MCM5: variants seen among roughly 807,000 people sequenced by gnomAD.
MCM5 encodes DNA replication licensing factor MCM5.
In MCM5, 46 loss-of-function variants were observed where a neutral mutation model predicts 79.9. The observed-to-expected ratio is 0.58, with a 90% CI of 0.45 to 0.74. The LOEUF is 0.74. MCM5 is among the 30% of genes least tolerant of loss of function. The probability of loss-of-function intolerance (pLI) is 0.00; values close to 1 mark genes in which losing one functional copy is unlikely to be tolerated. For missense variants in MCM5, 883 were observed against 1,017.0 expected, an observed-to-expected ratio of 0.87 and a Z score of 1.79; for synonymous variants, 404 against 390.5, an observed-to-expected ratio of 1.03 and a Z score of -0.41.
intron 5 of MCM5, among the ~76,000 whole-genome samples, chr22:35,407,904 T>C (rs527470765): frequency 6.6e-6 from 1 of 152,346 alleles, no homozygotes; most frequent in Admixed American, 6.5e-5. Context: ...CCTGGAATAG[T>C]GTCAGACACA....
chr22:35,432,445 CG>C, the MCM5 span, among the ~76,000 whole-genome samples: 2 of 152,132 alleles, frequency 1.3e-5, no homozygotes, highest in Non-Finnish European at 2.9e-5. Flanking sequence ...TACTGTGTGA[CG>C]GTTCTGTTCA....
chr22:35,416,014 A>G (rs766513038), intron 10 of MCM5, 42 bp downstream of exon 10: 1 of 1,597,830 alleles, frequency 6.3e-7, no homozygotes, highest in African/African-American at 1.3e-5. Flanking sequence ...GGTGGGTGGC[A>G]CCAGGGTATG....
intron 5 of MCM5, among the ~76,000 whole-genome samples, chr22:35,407,327 T>G (rs908278651): frequency 6.6e-6 from 1 of 152,152 alleles, no homozygotes; most frequent in Admixed American, 6.5e-5. Flanking sequence ...TGTTGACATC[T>G]CTCACTTGGA....
At chr22:35,428,021 CT>C (rs133437), downstream of MCM5, among the ~76,000 whole-genome samples, 33,648 of 132,090 alleles carry the variant, frequency 0.25, 6,423 homozygotes, top group African/African-American at 0.59. Context: ...CTCTCTCTCT[CT>C]TTTTTTTTTT....
At chr22:35,454,084 C>T in the MCM5 span, among the ~76,000 whole-genome samples, 5,410 of 152,060 alleles carry the variant, frequency 0.036, 112 homozygotes, top group Non-Finnish European at 0.047. Flanking sequence ...TTGGAGACGG[C>T]GATAGAGTGA....
At chr22:35,436,794 A>G in the MCM5 span, among the ~76,000 whole-genome samples, 3 of 150,850 alleles carry the variant, frequency 2.0e-5, no homozygotes, top group African/African-American at 7.3e-5. Flanking sequence ...CCCGACCTTC[A>G]CAAACAAATG....
At chr22:35,454,125 C>A in the MCM5 span, among the ~76,000 whole-genome samples, 2 of 151,762 alleles carry the variant, frequency 1.3e-5, no homozygotes. Flanking sequence ...TGTGTGAGGT[C>A]GGTGCTGGGA....
the MCM5 span, among the ~76,000 whole-genome samples, chr22:35,450,789 A>G: frequency 6.6e-6 from 1 of 150,616 alleles, no homozygotes; most frequent in African/African-American, 2.5e-5. Flanking sequence ...CAATGAGGAA[A>G]GAGTTGGGAA....
downstream of MCM5, among the ~76,000 whole-genome samples, chr22:35,428,563 GT>G: frequency 6.6e-6 from 1 of 152,098 alleles, no homozygotes; most frequent in East Asian, 1.9e-4. Context: ...TATGTAGATA[GT>G]TTTTTACATA....
rs35626347 is a variant in MCM5, at chr22:35,405,020, ATT to A, written c.423+1498_423+1499del. 9.7e-3 allele frequency among the ~76,000 whole-genome samples: 1,106 copies of A among 114,288 alleles called. 4 individuals are homozygous for A. The highest frequency in any genetic ancestry group is 0.015 in the Non-Finnish European group (813 of 55,758). 75.0% of individuals were successfully genotyped at this position (114,288 alleles called of 152,430 possible). ...CTTAATAATTAGCAACTAGAGGCCA[ATT>A]TTTTTTTTTTTTTTTTTTTGAGATG... is the stretch of plus-strand genomic sequence containing the variant. On this transcript the variant is annotated intron_variant, in intron 4 of 16. Transcript: ENST00000216122.
Position 35,416,685 on chromosome 22 carries a change from T to A in MCM5, c.1461T>A (p.Ala487=), listed in dbSNP as rs764206596. Residue 487 remains alanine, a synonymous_variant, in exon 12 of 17, where the codon GCT becomes GCA. Transcript: ENST00000216122. The part of the protein sequence containing the change: ...TLNSRCSVLA[A]ANSVFGRWDE... ...ACTCCCGCTGCTCCGTCCTGGCTGC[T>A]GCCAACTCAGTGTTCGGCCGCTGGG... The A allele has an allele frequency of 1.2e-6, 2 of 1,614,122 alleles. No homozygotes were observed. Among genetic ancestry groups the A allele is most frequent in the Non-Finnish European group, 1.7e-6 (2 of 1,180,026 alleles).
In MCM5 at chr22:35,424,297, G is replaced by A. The variant is rs1442452362; in HGVS notation, c.*42G>A. On this transcript the variant is annotated 3_prime_UTR_variant, in exon 17 of 17. Coordinates refer to ENST00000216122, the MANE Select transcript of MCM5 (RefSeq NM_006739.4). Reference sequence around the variant, plus strand: ...GGACTCATGGACTCGCCCACGCCTCGCCCCTCCTGCCGCTGCCTGCCATTG... The same window carrying A: ...GGACTCATGGACTCGCCCACGCCTCACCCCTCCTGCCGCTGCCTGCCATTG... 1 of 1,376,388 alleles carries A rather than the reference G, an allele frequency of 7.3e-7. No individual in the cohort carries two copies. The highest frequency in any genetic ancestry group is 9.9e-7 in the Non-Finnish European group (1 of 1,005,980). The allele number at this position is 1,376,388 out of a possible 1,614,324, so 85.3% of individuals were successfully genotyped here.
chr22:35,415,692 T>C, intron 9 of MCM5, 137 bp from the exon 10 acceptor site: 1 of 941,740 alleles, frequency 1.1e-6, no homozygotes, highest in South Asian at 1.6e-5. Flanking sequence ...AGTTGGAGCC[T>C]TGAGTCCTAT....
At chr22:35,441,424 G>GC in the MCM5 span, among the ~76,000 whole-genome samples, 20 of 152,236 alleles carry the variant, frequency 1.3e-4, no homozygotes, top group East Asian at 1.5e-3. Flanking sequence ...CTCTCTGGGT[G>GC]CCCCCCCACC....
At chr22:35,424,096 G>C in intron 16 of MCM5, 58 bp from the exon 17 acceptor site, 1 of 1,162,140 alleles carries the variant, frequency 8.6e-7, no homozygotes, top group Non-Finnish European at 1.2e-6. Context: ...GGATGTCTGG[G>C]CTCTGTCGGA....
At chr22:35,437,969 G>A in the MCM5 span, among the ~76,000 whole-genome samples, 3 of 152,132 alleles carry the variant, frequency 2.0e-5, no homozygotes, top group African/African-American at 7.2e-5. Context: ...CAGCAAGTTA[G>A]TGGTAATGTT....
At chr22:35,439,299 TCATC>T in the MCM5 span, among the ~76,000 whole-genome samples, 1 of 147,118 alleles carries the variant, frequency 6.8e-6, no homozygotes, top group Non-Finnish European at 1.5e-5. Context: ...ACCTGCATAT[TCATC>T]CATCCAACCA....
rs1392748416 is a variant in MCM5, at chr22:35,400,615, C to G, written c.167+10C>G. 6.3e-7 allele frequency: 1 copy of G among 1,593,650 alleles called. No homozygotes were observed. The highest frequency in any genetic ancestry group is 8.6e-7 in the Non-Finnish European group (1 of 1,168,832). On this transcript the variant is annotated intron_variant, in intron 2 of 16. Coordinates refer to ENST00000216122, the MANE Select transcript of MCM5 (RefSeq NM_006739.4). ...TCACCTTCAAATACAGGTGCGGCTC[C>G]TGCGGGGCCGGGGGCTCGAGTTCCA...
rs1932528652 is a variant in MCM5, at chr22:35,415,985, A to G, written c.1347+13A>G. ...CGAGTTTGACAAGGTGAGTCTGATG[A>G]GGTGGGTAGTAGCCAAAAGGTGGGT... On this transcript the variant is annotated intron_variant, in intron 10 of 16. Coordinates refer to ENST00000216122, the MANE Select transcript of MCM5 (RefSeq NM_006739.4). 1.2e-6 allele frequency: 2 copies of G among 1,606,756 alleles called. No individual in the cohort carries two copies. The highest frequency in any genetic ancestry group is 2.7e-5 in the African/African-American group (2 of 74,940).
Sources: allele counts gnomAD v4.1 joint callset (sites outside exome capture counted in the v4.1 genomes callset), GRCh38; gene constraint gnomAD v4.1.1; transcripts MANE v1.5; gene names NCBI Gene and HGNC (gene_info 2026-07-23, HGNC 2026-07-21).